The following FBRSL1 variants were observed in gnomAD, a reference collection of about 807,000 sequenced individuals.
The protein encoded by FBRSL1 is fibrosin like 1.
FBRSL1 carries 51 observed loss-of-function variants against 89.6 expected under a neutral mutation model. The observed-to-expected ratio is 0.57, with a 90% CI of 0.45 to 0.72. FBRSL1 has a LOEUF of 0.72. Ranked by LOEUF, FBRSL1 falls within the 30% of genes least tolerant of loss-of-function variation. FBRSL1 has a pLI of 0.00. For missense variants in FBRSL1, 1,618 were observed against 1,451.8 expected (o/e 1.11, Z -1.86); for synonymous variants, 779 against 681.1 (o/e 1.14, Z -2.24).
At chr12:132,500,620 C>T (rs747137321) in intron 1 of FBRSL1, among the ~76,000 whole-genome samples, 1 of 152,200 alleles carries the variant, frequency 6.6e-6, no homozygotes, top group Admixed American at 6.5e-5. Flanking sequence ...CCTCATCCAG[C>T]TGCTGTCCTG....
intron 4 of FBRSL1, among the ~76,000 whole-genome samples, chr12:132,533,509 G>T (rs2036473183): frequency 6.6e-6 from 1 of 152,284 alleles, no homozygotes; most frequent in African/African-American, 2.4e-5. Flanking sequence ...CAACCTCTGA[G>T]CATAGAAGGG....
chr12:132,491,750 C>G lies in FBRSL1; in HGVS notation c.291+889C>G, dbSNP rs200002579. On this transcript the variant is annotated intron_variant, in intron 1 of 18. Coordinates refer to ENST00000680143, the MANE Select transcript of FBRSL1 (RefSeq NM_001367871.1). ...TGCCTACTGCAGGCCCCTGAAGCAGCAAGTCCTCTTCAAGTTCTCATCCAA... is the reference window on the plus strand; with the variant it reads ...TGCCTACTGCAGGCCCCTGAAGCAGGAAGTCCTCTTCAAGTTCTCATCCAA... Among the ~76,000 whole-genome samples, 5 of 152,398 alleles carry G rather than the reference C, an allele frequency of 3.3e-5. No individual in the cohort carries two copies. The East Asian group carries it at 9.6e-4, about 29-fold the overall frequency.
intron 3 of FBRSL1, 130 bp from the exon 4 acceptor site, chr12:132,527,823 G>A: frequency 3.5e-6 from 3 of 848,682 alleles, no homozygotes; most frequent in Non-Finnish European, 5.8e-6. Context: ...GATCTGCGGG[G>A]CAGGGCTGTG....
chr12:132,510,876 C>T (rs2034254815), intron 2 of FBRSL1: 48 of 1,023,500 alleles, frequency 4.7e-5, no homozygotes, highest in Non-Finnish European at 5.5e-5. Flanking sequence ...GTCCTTGCAT[C>T]TCTGAGTCTA....
At chr12:132,514,922 T>C (rs1450769940) in intron 2 of FBRSL1, among the ~76,000 whole-genome samples, 2 of 152,242 alleles carry the variant, frequency 1.3e-5, no homozygotes, top group African/African-American at 4.8e-5. Flanking sequence ...TCACATCTTT[T>C]TTACTCTTTT....
intron 11 of FBRSL1, among the ~76,000 whole-genome samples, chr12:132,573,327 G>A (rs1020572639): frequency 6.6e-6 from 1 of 152,212 alleles, no homozygotes; most frequent in Admixed American, 6.5e-5. Flanking sequence ...GGCCCAGCAC[G>A]CACCCCTGGG....
At chr12:132,551,437 G>A (rs772900919) in intron 5 of FBRSL1, 44 of 456,190 alleles carry the variant, frequency 9.6e-5, no homozygotes, top group African/African-American at 6.2e-4. Context: ...CCGCAGAAGC[G>A]GATGCCGGGG....
chr12:132,572,133 G>A (rs542415740), intron 9 of FBRSL1, 155 bp from the exon 10 acceptor site: 20 of 640,998 alleles, frequency 3.1e-5, no homozygotes, highest in South Asian at 1.5e-4. Context: ...TGGGGCTGGC[G>A]CTCTAGAGGA....
At chr12:132,573,809 C>G (rs891931770) in intron 11 of FBRSL1, among the ~76,000 whole-genome samples, 1 of 152,200 alleles carries the variant, frequency 6.6e-6, no homozygotes, top group African/African-American at 2.4e-5. Flanking sequence ...GCACCACTCC[C>G]CCTCTGGGTG....
At chr12:132,544,020 C>T (rs370147812) in intron 4 of FBRSL1, among the ~76,000 whole-genome samples, 3 of 152,158 alleles carry the variant, frequency 2.0e-5, no homozygotes, top group Non-Finnish European at 2.9e-5. Flanking sequence ...ACACCTTAGG[C>T]GTGAGGGCCG....
intron 4 of FBRSL1, among the ~76,000 whole-genome samples, chr12:132,534,929 C>T (rs763541896): frequency 1.8e-4 from 27 of 152,230 alleles, no homozygotes; most frequent in Admixed American, 3.3e-4. Context: ...CTCCCTGCAG[C>T]GCTCCCAGGT....
At chr12:132,504,175 G>A (rs2033379228) in intron 1 of FBRSL1, among the ~76,000 whole-genome samples, 1 of 152,166 alleles carries the variant, frequency 6.6e-6, no homozygotes, top group Non-Finnish European at 1.5e-5. Flanking sequence ...TTCAGGAGCA[G>A]GGCGTGGCCA....
chr12:132,511,121 C>G (rs3764049), intron 2 of FBRSL1: 291,267 of 984,260 alleles, frequency 0.3, 37,239 homozygotes, highest in Non-Finnish European at 0.31. Context: ...CTCCAGGGCC[C>G]CCAAGCTACA....
intron 1 of FBRSL1, among the ~76,000 whole-genome samples, chr12:132,502,588 C>G (rs1430697808): frequency 6.6e-6 from 1 of 152,092 alleles, no homozygotes; most frequent in Non-Finnish European, 1.5e-5. Flanking sequence ...CCAGGCTCAG[C>G]CCCTATCAGA....
chr12:132,580,746 G>T (rs1451684606), intron 15 of FBRSL1: 1 of 984,720 alleles, frequency 1.0e-6, no homozygotes, highest in Admixed American at 6.1e-5. Context: ...GATTAGGGCT[G>T]GGAGGGAGTC....
intron 16 of FBRSL1, 41 bp downstream of exon 16, chr12:132,581,557 C>G (rs1208700456): frequency 6.5e-7 from 1 of 1,542,800 alleles, no homozygotes; most frequent in African/African-American, 1.4e-5. Context: ...CTGGCTGGTT[C>G]CTCAGCAGCC....
At chr12:132,516,321 A>G (rs1183414793) in intron 2 of FBRSL1, among the ~76,000 whole-genome samples, 3 of 151,596 alleles carry the variant, frequency 2.0e-5, no homozygotes, top group East Asian at 3.9e-4. Context: ...AGTAGCTGGG[A>G]TCACAGGCAA....
Position 132,568,201 on chromosome 12 carries a change from G to A in FBRSL1, c.691+675G>A, listed in dbSNP as rs541216036. 4.6e-5 allele frequency among the ~76,000 whole-genome samples: 7 copies of A among 152,326 alleles called. No individual in the cohort carries two copies. In the South Asian group the frequency reaches 8.3e-4, roughly 18 times the overall value. On this transcript the variant is annotated intron_variant, in intron 6 of 18. Coordinates refer to ENST00000680143, the MANE Select transcript of FBRSL1 (RefSeq NM_001367871.1). ...GGGATTCCCACACCAAGGCCTAGGC[G>A]GGCAGCATCTCCGGCAGGGCCACGG...
Position 132,583,405 on chromosome 12 carries a change from A to G in FBRSL1, c.2636A>G (p.Glu879Gly), listed in dbSNP as rs1359154474. The G allele has an allele frequency of 3.7e-6, 4 of 1,073,070 alleles. No individual in the cohort carries two copies. The highest frequency in any genetic ancestry group is 8.8e-4 in the Middle Eastern group (2 of 2,260). The allele number at this position is 1,073,070 out of a possible 1,614,324, so 66.5% of individuals were successfully genotyped here. ...APAPGSAALL[E>G]PPERPYRDRE... Reference sequence around the variant, plus strand: ...GCCCCGGGCTCCGCCGCCCTCTTGGAGCCCCCGGAGCGCCCCTACCGCGAC... The same window carrying G: ...GCCCCGGGCTCCGCCGCCCTCTTGGGGCCCCCGGAGCGCCCCTACCGCGAC... Residue 879 changes from glutamate (E) to glycine (G), a missense_variant, in exon 19 of 19, where the codon GAG becomes GGG. Coordinates refer to ENST00000680143, the MANE Select transcript of FBRSL1 (RefSeq NM_001367871.1).
Sources: allele counts gnomAD v4.1 joint callset (sites outside exome capture counted in the v4.1 genomes callset), GRCh38; gene constraint gnomAD v4.1.1; transcripts MANE v1.5; gene names NCBI Gene and HGNC (gene_info 2026-07-23, HGNC 2026-07-21).